DSCAM: variants seen among roughly 807,000 people sequenced by gnomAD.
DSCAM encodes cell adhesion molecule DSCAM.
In DSCAM, 47 loss-of-function variants were observed where a neutral mutation model predicts 217.7. The ratio of observed to expected loss-of-function variants is 0.22; its 90% CI spans 0.17 to 0.28. The LOEUF is 0.28. Among genes scored for constraint, DSCAM ranks in the 10% least tolerant of loss-of-function variants. DSCAM has a pLI of 1.00. For missense variants in DSCAM, 2,080 were observed against 2,618.3 expected (o/e 0.79, Z 4.49); for synonymous variants, 1,056 against 1,015.3 (o/e 1.04, Z -0.76).
At chr21:40,825,662 C>A (rs1032574431) in intron 1 of DSCAM, among the ~76,000 whole-genome samples, 6 of 152,056 alleles carry the variant, frequency 3.9e-5, no homozygotes, top group Non-Finnish European at 8.8e-5. Flanking sequence ...TCTTTGTATT[C>A]CTCAAAGTAT....
intron 4 of DSCAM, among the ~76,000 whole-genome samples, chr21:40,362,495 T>C (rs543133186): frequency 6.6e-6 from 1 of 152,338 alleles, no homozygotes; most frequent in South Asian, 2.1e-4. Context: ...GGTTTTCCCG[T>C]TCTTAGTGAC....
At chr21:40,219,140 G>T (rs772624188) in intron 11 of DSCAM, among the ~76,000 whole-genome samples, 1 of 152,094 alleles carries the variant, frequency 6.6e-6, no homozygotes, top group Non-Finnish European at 1.5e-5. Context: ...ATTATTTTAA[G>T]GTATGTTCCT....
At chr21:40,827,426 G>C (rs1011826954) in intron 1 of DSCAM, among the ~76,000 whole-genome samples, 2 of 139,196 alleles carry the variant, frequency 1.4e-5, no homozygotes, top group African/African-American at 5.4e-5. Context: ...CTGTGATTGT[G>C]CCACTGCATG....
At chr21:40,405,441 G>A (rs2075272298) in intron 3 of DSCAM, among the ~76,000 whole-genome samples, 1 of 152,082 alleles carries the variant, frequency 6.6e-6, no homozygotes, top group African/African-American at 2.4e-5. Flanking sequence ...CATTGGTCTG[G>A]GCAAATAATT....
chr21:40,207,091 G>A (rs1227628336), intron 11 of DSCAM, among the ~76,000 whole-genome samples: 1 of 151,478 alleles, frequency 6.6e-6, no homozygotes, highest in South Asian at 2.1e-4. Flanking sequence ...AATAAATATG[G>A]AAAACAAAAT....
rs201772634 is a variant in DSCAM, at chr21:40,052,028, C to A, written c.5115G>T (p.Thr1705=). The stretch of plus-strand genomic sequence containing the variant: ...CCTGAGACACCGATTGGTAATGGAC[C>A]GTGTGAGTGACCGTCAGGGACTTCT... ...AKQKSLTVTH[T]VHYQSVSQAT... Residue 1705 remains threonine (T), a synonymous_variant, in exon 30 of 33, where the codon ACG becomes ACT. Transcript: ENST00000400454. 1.2e-6 allele frequency: 2 copies of A among 1,614,160 alleles called. No homozygotes were observed. The highest frequency in any genetic ancestry group is 1.7e-6 in the Non-Finnish European group (2 of 1,180,030).
rs191886076 is a variant in DSCAM, at chr21:40,041,162, G to A, written c.5686+1209C>T. Among the ~76,000 whole-genome samples the A allele has an allele frequency of 9.3e-4, 141 of 152,292 alleles. 2 individuals carry two copies. Among genetic ancestry groups the A allele is most frequent in the African/African-American group, 3.0e-3 (125 of 41,558 alleles). Reference sequence around the variant, plus strand: ...TTGTCCCATAAAACCCAAGGGAATTGTAGTAATTCAAAAGTGAAGATACTT... The same window carrying A: ...TTGTCCCATAAAACCCAAGGGAATTATAGTAATTCAAAAGTGAAGATACTT... On this transcript the variant is annotated intron_variant, in intron 32 of 32. Coordinates refer to ENST00000400454, the MANE Select transcript of DSCAM (RefSeq NM_001389.5).
chr21:40,572,597 C>T (rs2076816753), intron 3 of DSCAM, among the ~76,000 whole-genome samples: 1 of 152,086 alleles, frequency 6.6e-6, no homozygotes, highest in Non-Finnish European at 1.5e-5. Flanking sequence ...TCATAAATCT[C>T]GACGGCTATG....
intron 11 of DSCAM, among the ~76,000 whole-genome samples, chr21:40,259,433 C>T (rs1181516853): frequency 2.6e-5 from 4 of 151,992 alleles, no homozygotes; most frequent in African/African-American, 7.3e-5. Flanking sequence ...AATACAGAAG[C>T]TAAGTAATAA....
rs1460195752 is a variant in DSCAM at position 40,221,180 on chromosome 21, G to GT, written c.2357-31943dup. Reference sequence around the variant, plus strand: ...GAAAAAGAGTTGAGAGCCTCAAAGAGTTGAGTAGAGTGAAACCATGAATAA... The same window carrying GT: ...GAAAAAGAGTTGAGAGCCTCAAAGAGTTTGAGTAGAGTGAAACCATGAATAA... On this transcript the variant is annotated intron_variant, in intron 11 of 32. Transcript: ENST00000400454. 4.6e-5 allele frequency among the ~76,000 whole-genome samples: 7 copies of GT among 152,182 alleles called. No individual in the cohort carries two copies. In the East Asian group the frequency reaches 1.4e-3, roughly 29 times the overall value.
At chr21:40,394,480 G>C (rs2075161018) in intron 3 of DSCAM, among the ~76,000 whole-genome samples, 4 of 152,188 alleles carry the variant, frequency 2.6e-5, no homozygotes. Context: ...AGTCTCTCAA[G>C]TCTCCATACA....
intron 1 of DSCAM, among the ~76,000 whole-genome samples, chr21:40,769,756 G>A (rs1440691734): frequency 2.0e-5 from 3 of 152,048 alleles, no homozygotes; most frequent in Admixed American, 6.5e-5. Context: ...TGGCTATCCT[G>A]GGTATCTGAT....
intron 20 of DSCAM, among the ~76,000 whole-genome samples, chr21:40,107,622 T>C (rs1202879109): frequency 3.3e-5 from 5 of 152,112 alleles, no homozygotes; most frequent in African/African-American, 9.7e-5. Context: ...CCCACTGTTA[T>C]TGGGTGGGAG....
At position 40,712,005 on chromosome 21, in the gene DSCAM, ATAAAG is replaced by A. The variant is rs538278060; in HGVS notation, c.44-3239_44-3235del. 3.9e-4 allele frequency among the ~76,000 whole-genome samples: 60 copies of A among 152,356 alleles called. No individual in the cohort carries two copies. In the East Asian group the frequency reaches 0.011, roughly 28 times the overall value. On this transcript the variant is annotated intron_variant, in intron 1 of 32. Transcript: ENST00000400454. ...TTTCTGAAATGTTTTTCTATTTTAA[ATAAAG>A]TAATCAGAAAGTGCCAACTAACATC...
At chr21:40,779,417 A>C (rs1017987285) in intron 1 of DSCAM, among the ~76,000 whole-genome samples, 2 of 152,236 alleles carry the variant, frequency 1.3e-5, no homozygotes, top group African/African-American at 4.8e-5. Flanking sequence ...TGCCAAATTT[A>C]TCTGAAGGAA....
chr21:40,372,896 C>T (rs2074912688), intron 3 of DSCAM, among the ~76,000 whole-genome samples: 1 of 152,184 alleles, frequency 6.6e-6, no homozygotes, highest in Non-Finnish European at 1.5e-5. Flanking sequence ...AAATCCAGCG[C>T]TTGGTGTCAG....
At chr21:40,697,320 G>A (rs2090606500) in intron 2 of DSCAM, among the ~76,000 whole-genome samples, 1 of 151,686 alleles carries the variant, frequency 6.6e-6, no homozygotes, top group South Asian at 2.1e-4. Flanking sequence ...TCTTTGCTGT[G>A]CAGAGTTTTT....
intron 3 of DSCAM, among the ~76,000 whole-genome samples, chr21:40,637,212 TATAA>T (rs1475384074): frequency 1.6e-3 from 10 of 6,256 alleles, no homozygotes; most frequent in Non-Finnish European, 1.8e-3. Context: ...TATAAATATA[TATAA>T]ATATAAATAT....
intron 3 of DSCAM, among the ~76,000 whole-genome samples, chr21:40,477,467 C>G (rs1206694071): frequency 6.6e-6 from 1 of 152,064 alleles, no homozygotes; most frequent in African/African-American, 2.4e-5. Flanking sequence ...TATTGAAGTT[C>G]CAAAGGACGT....
Sources: allele counts gnomAD v4.1 joint callset (sites outside exome capture counted in the v4.1 genomes callset), GRCh38; gene constraint gnomAD v4.1.1; transcripts MANE v1.5; gene names NCBI Gene and HGNC (gene_info 2026-07-23, HGNC 2026-07-21).